The following MTHFD2L variants were observed in gnomAD, a reference collection of about 807,000 sequenced individuals.
The protein encoded by MTHFD2L is methylenetetrahydrofolate dehydrogenase (NADP+ dependent) 2 like, also known as bifunctional methylenetetrahydrofolate dehydrogenase/cyclohydrolase 2, mitochondrial.
Under a neutral mutation model 34.9 loss-of-function variants are expected in MTHFD2L, and 29 were observed. The ratio of observed to expected loss-of-function variants is 0.83; its 90% CI spans 0.62 to 1.13. The LOEUF is 1.13. Among genes scored for constraint, MTHFD2L ranks in the 50% most tolerant of loss-of-function variants. MTHFD2L has a pLI of 0.00. For missense variants in MTHFD2L, 481 were observed against 446.5 expected, an observed-to-expected ratio of 1.08 and a Z score of -0.70; for synonymous variants, 167 against 155.7, an observed-to-expected ratio of 1.07 and a Z score of -0.54.
chr4:74,185,946 G>T (rs1264258543), intron 3 of MTHFD2L, among the ~76,000 whole-genome samples: 2 of 152,132 alleles, frequency 1.3e-5, no homozygotes, highest in Non-Finnish European at 2.9e-5. Flanking sequence ...AGAATTATGA[G>T]TCGGTATCCT....
At chr4:74,207,800 A>G (rs1006960920) in intron 5 of MTHFD2L, among the ~76,000 whole-genome samples, 1 of 115,318 alleles carries the variant, frequency 8.7e-6, no homozygotes, top group African/African-American at 3.8e-5. Flanking sequence ...TGGAAGTTTT[A>G]TCTCCCACCT....
At chr4:74,279,388 G>A (rs1270740914) in intron 6 of MTHFD2L, among the ~76,000 whole-genome samples, 1 of 151,780 alleles carries the variant, frequency 6.6e-6, no homozygotes, top group Admixed American at 6.6e-5. Flanking sequence ...TAAGATAACA[G>A]TGATTTTTAT....
At chr4:74,142,791 G>C (rs1005076640) in intron 1 of MTHFD2L, among the ~76,000 whole-genome samples, 8 of 152,106 alleles carry the variant, frequency 5.3e-5, no homozygotes, top group East Asian at 3.9e-4. Flanking sequence ...GAGCCAAGAG[G>C]CTTCTTCAAG....
At chr4:74,239,490 TA>T (rs11374613) in intron 6 of MTHFD2L, among the ~76,000 whole-genome samples, 2 of 149,912 alleles carry the variant, frequency 1.3e-5, no homozygotes, top group African/African-American at 4.9e-5. Flanking sequence ...AGTATAATTT[TA>T]AAAAAAAAAA....
intron 5 of MTHFD2L, among the ~76,000 whole-genome samples, chr4:74,209,104 G>T (rs896186769): frequency 6.6e-6 from 1 of 152,100 alleles, no homozygotes; most frequent in East Asian, 1.9e-4. Context: ...ACAAGTTGGG[G>T]CAAGGACAGC....
intron 1 of MTHFD2L, among the ~76,000 whole-genome samples, chr4:74,130,851 C>G (rs916315991): frequency 4.6e-5 from 7 of 152,098 alleles, no homozygotes; most frequent in African/African-American, 1.7e-4. Context: ...TCATATCAGC[C>G]CAAAATCTCC....
At chr4:74,154,351 T>C (rs1724116638), upstream of MTHFD2L, among the ~76,000 whole-genome samples, 1 of 152,178 alleles carries the variant, frequency 6.6e-6, no homozygotes, top group African/African-American at 2.4e-5. Context: ...AGGAAGTCAC[T>C]ATCATCAGTT....
chr4:74,220,145 T>C (rs1252838123), intron 5 of MTHFD2L, among the ~76,000 whole-genome samples: 5 of 151,610 alleles, frequency 3.3e-5, no homozygotes, highest in African/African-American at 1.2e-4. Context: ...CAGAGAACAC[T>C]TGAGTGGGTT....
At chr4:74,221,458 G>A (rs1216467373) in intron 5 of MTHFD2L, among the ~76,000 whole-genome samples, 1 of 151,356 alleles carries the variant, frequency 6.6e-6, no homozygotes, top group Non-Finnish European at 1.5e-5. Flanking sequence ...TTTTTCTTAT[G>A]TATATATTAT....
intron 7 of MTHFD2L, among the ~76,000 whole-genome samples, chr4:74,295,671 C>T (rs1452213396): frequency 6.6e-6 from 1 of 152,130 alleles, no homozygotes; most frequent in Non-Finnish European, 1.5e-5. Flanking sequence ...TTGATATTTT[C>T]TATGAGCCTC....
chr4:74,245,315 ATAGT>A (rs967697515), intron 6 of MTHFD2L, among the ~76,000 whole-genome samples: 4 of 151,358 alleles, frequency 2.6e-5, no homozygotes, highest in African/African-American at 9.7e-5. Context: ...TTTGGAATAT[ATAGT>A]TAGTTGAAAT....
chr4:74,220,392 A>G (rs1737962151), intron 5 of MTHFD2L, among the ~76,000 whole-genome samples: 1 of 151,946 alleles, frequency 6.6e-6, no homozygotes, highest in Non-Finnish European at 1.5e-5. Context: ...GTTGCCTCTC[A>G]TTGTTCTTCC....
At chr4:74,280,262 G>C (rs949047401) in intron 6 of MTHFD2L, 2 of 152,054 alleles carry the variant, frequency 1.3e-5, no homozygotes, top group African/African-American at 2.4e-5. Flanking sequence ...CATTATGCTG[G>C]TTTCCCAGTC....
chr4:74,294,012 G>C (rs1222756681), intron 7 of MTHFD2L, among the ~76,000 whole-genome samples: 1 of 152,040 alleles, frequency 6.6e-6, no homozygotes, highest in African/African-American at 2.4e-5. Flanking sequence ...TCTTCTTTTT[G>C]GGGGAGGGAG....
At chr4:74,253,122 A>G (rs1294701236) in intron 6 of MTHFD2L, among the ~76,000 whole-genome samples, 1 of 152,192 alleles carries the variant, frequency 6.6e-6, no homozygotes, top group African/African-American at 2.4e-5. Flanking sequence ...ACTGTCACTC[A>G]GTAGAATGGT....
At chr4:74,137,396 C>T (rs1368714348) in intron 1 of MTHFD2L, among the ~76,000 whole-genome samples, 3 of 152,130 alleles carry the variant, frequency 2.0e-5, no homozygotes, top group Middle Eastern at 3.4e-3. Flanking sequence ...CAGAGAAATG[C>T]AAATTAAAAC....
intron 1 of MTHFD2L, among the ~76,000 whole-genome samples, chr4:74,129,984 A>G (rs1722354940): frequency 6.6e-6 from 1 of 152,224 alleles, no homozygotes; most frequent in Non-Finnish European, 1.5e-5. Flanking sequence ...TAGAAAATCT[A>G]GAAGAAATGG....
At chr4:74,126,684 A>G (rs1292237875) in intron 1 of MTHFD2L, among the ~76,000 whole-genome samples, 1 of 152,182 alleles carries the variant, frequency 6.6e-6, no homozygotes, top group Non-Finnish European at 1.5e-5. Flanking sequence ...TAATTCAAAA[A>G]CAAACATAAA....
intron 1 of MTHFD2L, among the ~76,000 whole-genome samples, chr4:74,148,039 AT>A (rs1578256784): frequency 6.6e-6 from 1 of 151,984 alleles, no homozygotes; most frequent in East Asian, 1.9e-4. Context: ...TTTTAAGTTG[AT>A]TTTGGTATGG....
Sources: allele counts gnomAD v4.1 joint callset (sites outside exome capture counted in the v4.1 genomes callset), GRCh38; gene constraint gnomAD v4.1.1; transcripts MANE v1.5; gene names NCBI Gene and HGNC (gene_info 2026-07-23, HGNC 2026-07-21).